Variants in DNAH11 observed in about 807,000 individuals in gnomAD.
DNAH11 encodes the protein dynein axonemal heavy chain 11.
In DNAH11, 442 loss-of-function variants were observed where a neutral mutation model predicts 526.0. The ratio of observed to expected loss-of-function variants is 0.84; its 90% CI spans 0.78 to 0.91. DNAH11 has a LOEUF of 0.91. Among genes scored for constraint, DNAH11 ranks in the 40% least tolerant of loss-of-function variants. The pLI is 0.00. For missense variants in DNAH11, 6,989 were observed against 5,448.7 expected, an observed-to-expected ratio of 1.28 and a Z score of -8.90; for synonymous variants, 2,461 against 1,935.9, an observed-to-expected ratio of 1.27 and a Z score of -7.12.
At chr7:21,816,770 G>A in intron 64 of DNAH11, 68 bp downstream of exon 64, 4 of 1,364,254 alleles carry the variant, frequency 2.9e-6, no homozygotes, top group Middle Eastern at 2.1e-4. Flanking sequence ...TTTTATAAAG[G>A]CGTGATGTTT....
chr7:21,820,979 A>G (rs1413379837), intron 65 of DNAH11, among the ~76,000 whole-genome samples: 7 of 152,226 alleles, frequency 4.6e-5, no homozygotes, highest in African/African-American at 1.7e-4. Flanking sequence ...GCAGTAATCC[A>G]TTTGAGACAT....
At chr7:21,743,500 T>G (rs927676969) in intron 49 of DNAH11, among the ~76,000 whole-genome samples, 11 of 152,332 alleles carry the variant, frequency 7.2e-5, no homozygotes, top group Admixed American at 4.6e-4. Context: ...ATTTCTTTTG[T>G]GACAGAGGTG....
chr7:21,709,224 A>G (rs2906660), intron 40 of DNAH11, among the ~76,000 whole-genome samples: 65,866 of 152,138 alleles, frequency 0.43, 19,652 homozygotes, highest in African/African-American at 0.81. Context: ...CATATACACC[A>G]TGGAATACTA....
intron 28 of DNAH11, among the ~76,000 whole-genome samples, chr7:21,646,968 C>T (rs1006637061): frequency 1.4e-4 from 21 of 152,070 alleles, no homozygotes; most frequent in South Asian, 8.3e-4. Flanking sequence ...AATATTCAAC[C>T]CATGAAAAAA....
intron 65 of DNAH11, among the ~76,000 whole-genome samples, chr7:21,837,538 A>T (rs142106965): frequency 5.0e-4 from 76 of 152,312 alleles, no homozygotes; most frequent in South Asian, 1.5e-3. Context: ...TTGGAAGTAG[A>T]GTAGAAAAAT....
rs544493998 is a variant in DNAH11, at chr7:21,845,591, C to T, written c.10896+2843C>T. On this transcript the variant is annotated intron_variant, in intron 66 of 81. Coordinates refer to ENST00000409508, the MANE Select transcript of DNAH11 (RefSeq NM_001277115.2). ...TGTTTCATTCCATTGATCTGTTTGT[C>T]TATCCTTTTATCAATATCACACCGC... Among the ~76,000 whole-genome samples, 6 of 152,212 alleles carry T rather than the reference C, an allele frequency of 3.9e-5. No homozygotes were observed. In the South Asian group the frequency reaches 1.2e-3, roughly 32 times the overall value.
At chr7:21,604,240 A>G (rs1163379761) in intron 18 of DNAH11, among the ~76,000 whole-genome samples, 1 of 152,110 alleles carries the variant, frequency 6.6e-6, no homozygotes, top group African/African-American at 2.4e-5. Context: ...CACCAGCAAG[A>G]TCTTTGTCCT....
At chr7:21,859,835 A>G (rs1230347727) in intron 68 of DNAH11, among the ~76,000 whole-genome samples, 3 of 152,212 alleles carry the variant, frequency 2.0e-5, no homozygotes, top group Non-Finnish European at 4.4e-5. Flanking sequence ...TAAAGGAAGA[A>G]GAGGTGACCA....
chr7:21,656,956 C>T (rs1412481820), intron 29 of DNAH11, among the ~76,000 whole-genome samples: 1 of 152,172 alleles, frequency 6.6e-6, no homozygotes, highest in Non-Finnish European at 1.5e-5. Flanking sequence ...GTGTTGCTGT[C>T]TGCTCCCTCC....
chr7:21,842,585 A>T lies in DNAH11; in HGVS notation c.10733A>T (p.Asn3578Ile). Reference sequence around the variant, plus strand: ...GATAAAGAATGTGAATTTAACAAGAACTTTCGCCTTATCCTTCACACAAAA... The same window carrying T: ...GATAAAGAATGTGAATTTAACAAGATCTTTCGCCTTATCCTTCACACAAAA... ...IGDKECEFNK[N>I]FRLILHTKLA... The change falls in exon 66 of 82, where the codon AAC (asparagine) becomes ATC (isoleucine). Residue 3578 changes from asparagine (N) to isoleucine (I), a missense_variant. Transcript: ENST00000409508. The T allele has an allele frequency of 1.2e-6, 2 of 1,613,948 alleles. No individual in the cohort carries two copies. The highest frequency in any genetic ancestry group is 1.7e-6 in the Non-Finnish European group (2 of 1,179,876).
intron 2 of DNAH11, among the ~76,000 whole-genome samples, chr7:21,549,412 T>C (rs4314550): frequency 0.46 from 70,450 of 151,828 alleles, 17,532 homozygotes; most frequent in East Asian, 0.74. Flanking sequence ...TCCTTTACCT[T>C]AATTATTTTT....
At chr7:21,752,801 C>T (rs1786469207) in intron 54 of DNAH11, among the ~76,000 whole-genome samples, 2 of 152,172 alleles carry the variant, frequency 1.3e-5, no homozygotes, top group Admixed American at 1.3e-4. Flanking sequence ...CAGCCTCTGC[C>T]TCCTGGGTTC....
intron 44 of DNAH11, among the ~76,000 whole-genome samples, chr7:21,724,551 C>A (rs1207394189): frequency 6.6e-6 from 1 of 150,526 alleles, no homozygotes; most frequent in Non-Finnish European, 1.5e-5. Context: ...ATCAAACTCA[C>A]TATTTTAGGT....
In DNAH11 at chr7:21,899,792, C is replaced by A. The variant is rs571495307; in HGVS notation, c.13163-188C>A. On this transcript the variant is annotated intron_variant, in intron 80 of 81. Coordinates refer to ENST00000409508, the MANE Select transcript of DNAH11 (RefSeq NM_001277115.2). Reference sequence around the variant, plus strand: ...GCTGTGACTATTCCAATAAAACTATCTACAGAAACAGCGAGCTTGTCCTGC... The same window carrying A: ...GCTGTGACTATTCCAATAAAACTATATACAGAAACAGCGAGCTTGTCCTGC... 3.3e-5 allele frequency among the ~76,000 whole-genome samples: 5 copies of A among 152,336 alleles called. No homozygotes were observed. In the South Asian group the frequency reaches 1.0e-3, roughly 32 times the overall value.
intron 62 of DNAH11, among the ~76,000 whole-genome samples, chr7:21,803,077 A>G (rs937001004): frequency 5.3e-5 from 8 of 152,082 alleles, no homozygotes; most frequent in Non-Finnish European, 8.8e-5. Flanking sequence ...ACTATTAGAA[A>G]GCATATAACA....
chr7:21,734,980 C>G (rs914383789), intron 45 of DNAH11, among the ~76,000 whole-genome samples: 2 of 151,926 alleles, frequency 1.3e-5, no homozygotes, highest in African/African-American at 4.8e-5. Context: ...GACCATCTGG[C>G]TAACAAGGTG....
At chr7:21,630,523 T>G (rs556775047) in intron 25 of DNAH11, among the ~76,000 whole-genome samples, 1 of 152,248 alleles carries the variant, frequency 6.6e-6, no homozygotes, top group Non-Finnish European at 1.5e-5. Flanking sequence ...TTAGCTCAGC[T>G]TTTGTTTGTC....
chr7:21,712,192 C>T (rs551086816), intron 42 of DNAH11, among the ~76,000 whole-genome samples: 13 of 152,302 alleles, frequency 8.5e-5, no homozygotes, highest in Non-Finnish European at 1.9e-4. Flanking sequence ...AGTTTATCCA[C>T]GTAGCAGCAT....
At chr7:21,679,172 T>A (rs1583587291) in intron 30 of DNAH11, among the ~76,000 whole-genome samples, 1 of 151,788 alleles carries the variant, frequency 6.6e-6, no homozygotes, top group Non-Finnish European at 1.5e-5. Flanking sequence ...ATCTCACTTA[T>A]AAGTGGATTA....
Sources: gnomAD v4.1 joint callset for allele counts (sites outside exome capture counted in the v4.1 genomes callset) on GRCh38, gnomAD v4.1.1 for gene constraint, MANE v1.5 for transcripts, NCBI Gene and HGNC (gene_info 2026-07-23, HGNC 2026-07-21) for gene names.